Variants in FSTL5 observed in about 807,000 individuals in gnomAD.
FSTL5 encodes the protein follistatin-related protein 5.
Under a neutral mutation model 89.1 loss-of-function variants are expected in FSTL5, and 62 were observed. The observed-to-expected ratio is 0.70, with a 90% CI of 0.57 to 0.86. The LOEUF is 0.86. FSTL5 is among the 40% of genes least tolerant of loss of function. The probability of loss-of-function intolerance (pLI) is 0.00; values close to 1 mark genes in which losing one functional copy is unlikely to be tolerated. For missense variants in FSTL5, 1,057 were observed against 1,001.6 expected, an observed-to-expected ratio of 1.06 and a Z score of -0.75; for synonymous variants, 383 against 346.2, an observed-to-expected ratio of 1.11 and a Z score of -1.18.
intron 4 of FSTL5, among the ~76,000 whole-genome samples, chr4:161,782,092 C>A (rs1170129607): frequency 6.6e-6 from 1 of 151,986 alleles, no homozygotes; most frequent in Non-Finnish European, 1.5e-5. Flanking sequence ...TTTTTAGAAC[C>A]GAATAATATT....
At chr4:162,027,337 T>G (rs182556758) in intron 3 of FSTL5, among the ~76,000 whole-genome samples, 1 of 152,152 alleles carries the variant, frequency 6.6e-6, no homozygotes, top group Non-Finnish European at 1.5e-5. Context: ...TTACTTAATT[T>G]TCTTTTATAG....
At chr4:161,895,315 A>G (rs1733120421) in intron 4 of FSTL5, among the ~76,000 whole-genome samples, 1 of 152,240 alleles carries the variant, frequency 6.6e-6, no homozygotes, top group South Asian at 2.1e-4. Flanking sequence ...TACAGAAAAC[A>G]TTAATTTAAA....
chr4:161,403,286 C>T (rs1731245565), intron 15 of FSTL5, among the ~76,000 whole-genome samples: 1 of 152,106 alleles, frequency 6.6e-6, no homozygotes, highest in Non-Finnish European at 1.5e-5. Context: ...GCTGCCTTCA[C>T]AAGACTAACA....
At chr4:162,039,040 T>C (rs1006533173) in intron 2 of FSTL5, among the ~76,000 whole-genome samples, 2 of 151,880 alleles carry the variant, frequency 1.3e-5, no homozygotes, top group Non-Finnish European at 2.9e-5. Context: ...AGACTAGTCA[T>C]GTGCTCTCTG....
At chr4:161,800,885 A>C (rs922888642) in intron 4 of FSTL5, among the ~76,000 whole-genome samples, 76 of 151,676 alleles carry the variant, frequency 5.0e-4, no homozygotes, top group African/African-American at 1.8e-3. Flanking sequence ...AAAATTGGTG[A>C]ATATTATGAA....
chr4:161,574,360 T>C (rs1733138438), intron 8 of FSTL5, among the ~76,000 whole-genome samples: 1 of 150,614 alleles, frequency 6.6e-6, no homozygotes, highest in Non-Finnish European at 1.5e-5. Context: ...TTTTTTTAAA[T>C]TTTACTTTAA....
chr4:161,866,059 A>G (rs2126895226), intron 4 of FSTL5, among the ~76,000 whole-genome samples: 1 of 152,326 alleles, frequency 6.6e-6, no homozygotes, highest in East Asian at 1.9e-4. Context: ...CTACTGGAGT[A>G]AGGATTTACT....
intron 13 of FSTL5, among the ~76,000 whole-genome samples, chr4:161,478,348 T>C (rs1346400349): frequency 6.6e-6 from 1 of 152,152 alleles, no homozygotes; most frequent in African/African-American, 2.4e-5. Context: ...TGTTGAGCTT[T>C]TGTTCATAAT....
intron 5 of FSTL5, among the ~76,000 whole-genome samples, chr4:161,775,283 T>C (rs904705740): frequency 5.3e-5 from 8 of 152,148 alleles, no homozygotes; most frequent in African/African-American, 1.9e-4. Context: ...ATTTTTCTGC[T>C]GCCTAATTGG....
chr4:161,720,053 GA>G (rs1274414529), intron 6 of FSTL5, among the ~76,000 whole-genome samples: 1 of 152,004 alleles, frequency 6.6e-6, no homozygotes, highest in Non-Finnish European at 1.5e-5. Flanking sequence ...TAGACAAGTG[GA>G]ATTGCATAAA....
At chr4:161,845,784 G>A (rs1471807638) in intron 4 of FSTL5, among the ~76,000 whole-genome samples, 1 of 152,090 alleles carries the variant, frequency 6.6e-6, no homozygotes, top group Non-Finnish European at 1.5e-5. Context: ...CCAGGCGCAC[G>A]TCTGTAATCC....
chr4:161,996,837 A>G (rs921709723), intron 3 of FSTL5, among the ~76,000 whole-genome samples: 4 of 152,242 alleles, frequency 2.6e-5, no homozygotes, highest in African/African-American at 7.2e-5. Flanking sequence ...CTTTAAGTAT[A>G]ATATCTATTG....
At chr4:161,503,124 T>C (rs183027223) in intron 11 of FSTL5, among the ~76,000 whole-genome samples, 65 of 151,868 alleles carry the variant, frequency 4.3e-4, no homozygotes, top group Non-Finnish European at 1.0e-4. Flanking sequence ...AATTTCCCCA[T>C]ATCAAATTTA....
chr4:162,001,222 T>C (rs1736453685), intron 3 of FSTL5, among the ~76,000 whole-genome samples: 1 of 152,204 alleles, frequency 6.6e-6, no homozygotes, highest in African/African-American at 2.4e-5. Context: ...TTTATCCCAT[T>C]CCATTTTTAT....
chr4:161,426,937 T>C (rs1350783978), intron 15 of FSTL5, among the ~76,000 whole-genome samples: 1 of 152,186 alleles, frequency 6.6e-6, no homozygotes, highest in Admixed American at 6.5e-5. Flanking sequence ...ATCAATACTA[T>C]GACAACAGAT....
chr4:161,901,849 T>C (rs995857054), intron 4 of FSTL5, among the ~76,000 whole-genome samples: 3 of 152,130 alleles, frequency 2.0e-5, no homozygotes, highest in African/African-American at 7.2e-5. Context: ...GTAGGAGAAC[T>C]GCTTGAACCC....
chr4:161,608,002 T>C (rs1161172302), intron 7 of FSTL5, among the ~76,000 whole-genome samples: 2 of 152,132 alleles, frequency 1.3e-5, no homozygotes. Flanking sequence ...TATTTGAAAA[T>C]AAATACTTGG....
intron 2 of FSTL5, among the ~76,000 whole-genome samples, chr4:162,063,580 C>CT (rs1208408979): frequency 1.3e-5 from 2 of 151,744 alleles, no homozygotes; most frequent in African/African-American, 4.8e-5. Context: ...AAACAGCATA[C>CT]ATTATTATAT....
intron 3 of FSTL5, among the ~76,000 whole-genome samples, chr4:161,938,697 T>A (rs764426556): frequency 6.6e-6 from 1 of 152,052 alleles, no homozygotes; most frequent in East Asian, 1.9e-4. Context: ...TAAAGAAATA[T>A]TGGAATGTAT....
Sources: allele counts gnomAD v4.1 joint callset (sites outside exome capture counted in the v4.1 genomes callset), GRCh38; gene constraint gnomAD v4.1.1; transcripts MANE v1.5; gene names NCBI Gene and HGNC (gene_info 2026-07-23, HGNC 2026-07-21).